FOXP2: variants seen among roughly 807,000 people sequenced by gnomAD.
The protein encoded by FOXP2 is forkhead box protein P2.
Under a neutral mutation model 115.8 loss-of-function variants are expected in FOXP2, and 12 were observed. That is an observed-to-expected ratio of 0.10 (90% CI 0.07 to 0.17). The LOEUF (loss-of-function observed/expected upper bound fraction) is 0.17, where lower values mean the gene tolerates loss of function less well. Among genes scored for constraint, FOXP2 ranks in the 10% least tolerant of loss-of-function variants. FOXP2 has a pLI of 1.00. For synonymous variants in FOXP2, 328 were observed against 297.7 expected (o/e 1.10, Z -1.05); for missense variants, 629 against 843.5 (o/e 0.75, Z 3.15).
At chr7:114,446,810 G>A (rs535880834) in intron 2 of FOXP2, among the ~76,000 whole-genome samples, 1 of 151,268 alleles carries the variant, frequency 6.6e-6, no homozygotes, top group East Asian at 2.0e-4. Flanking sequence ...ATGCAGTGGG[G>A]TGATCTCAGC....
chr7:114,135,692 A>T (rs1213644435), intron 1 of FOXP2, among the ~76,000 whole-genome samples: 1 of 152,164 alleles, frequency 6.6e-6, no homozygotes, highest in Non-Finnish European at 1.5e-5. Flanking sequence ...AGTGTTATGC[A>T]TTAGCTCAAA....
intron 3 of FOXP2, among the ~76,000 whole-genome samples, chr7:114,603,554 G>A (rs1004608075): frequency 2.6e-5 from 4 of 152,200 alleles, no homozygotes; most frequent in Admixed American, 2.0e-4. Context: ...AGCTGGAGGT[G>A]TTGCAAAGTT....
At chr7:114,539,443 G>A (rs935894881) in intron 3 of FOXP2, among the ~76,000 whole-genome samples, 4 of 151,732 alleles carry the variant, frequency 2.6e-5, no homozygotes, top group Non-Finnish European at 5.9e-5. Flanking sequence ...TTTAAATAGA[G>A]CGATCTATTA....
At chr7:114,571,691 T>G (rs757489358) in intron 3 of FOXP2, among the ~76,000 whole-genome samples, 10 of 151,890 alleles carry the variant, frequency 6.6e-5, no homozygotes, top group Non-Finnish European at 1.2e-4. Flanking sequence ...AACAACTGTT[T>G]ATACAGCATT....
intron 3 of FOXP2, among the ~76,000 whole-genome samples, chr7:114,627,730 A>G (rs565578600): frequency 2.6e-4 from 39 of 152,198 alleles, no homozygotes; most frequent in African/African-American, 9.4e-4. Context: ...AGTGGGAAAA[A>G]AGTTTTAAGT....
At chr7:114,443,274 G>T (rs1402840519) in intron 2 of FOXP2, among the ~76,000 whole-genome samples, 1 of 152,022 alleles carries the variant, frequency 6.6e-6, no homozygotes. Context: ...AATTAATTTT[G>T]TCTCACGTTA....
chr7:114,427,458 G>T (rs980621310), intron 2 of FOXP2, among the ~76,000 whole-genome samples: 2 of 150,804 alleles, frequency 1.3e-5, no homozygotes, highest in African/African-American at 4.9e-5. Flanking sequence ...ACTGACTCAA[G>T]TCTGTAGAAA....
chr7:114,541,351 C>A (rs2129281440), intron 3 of FOXP2, among the ~76,000 whole-genome samples: 1 of 152,014 alleles, frequency 6.6e-6, no homozygotes, highest in East Asian at 1.9e-4. Flanking sequence ...GAAGAAAAAG[C>A]AGAAGAGACA....
At chr7:114,106,011 T>C (rs1791102702) in intron 1 of FOXP2, among the ~76,000 whole-genome samples, 4 of 152,024 alleles carry the variant, frequency 2.6e-5, no homozygotes, top group Admixed American at 2.0e-4. Context: ...GCTTCTGTAG[T>C]TTTTTGCAGC....
At chr7:114,473,397 T>G (rs1344070578) in intron 2 of FOXP2, among the ~76,000 whole-genome samples, 1 of 152,154 alleles carries the variant, frequency 6.6e-6, no homozygotes, top group African/African-American at 2.4e-5. Context: ...CAGAGCAAAC[T>G]GTAGAGGCCA....
intron 2 of FOXP2, among the ~76,000 whole-genome samples, chr7:114,501,866 C>T (rs1037123216): frequency 1.3e-5 from 2 of 151,864 alleles, no homozygotes; most frequent in African/African-American, 4.8e-5. Flanking sequence ...TTTTATAATA[C>T]ACATTTATAT....
intron 2 of FOXP2, among the ~76,000 whole-genome samples, chr7:114,493,658 A>ACT (rs111542252): frequency 1.5e-4 from 22 of 147,722 alleles, no homozygotes; most frequent in Middle Eastern, 3.5e-3. Flanking sequence ...ACACACACAT[A>ACT]CTCTCTCTCT....
chr7:114,676,181 G>A (rs781131839), intron 16 of FOXP2, among the ~76,000 whole-genome samples: 4 of 149,028 alleles, frequency 2.7e-5, no homozygotes, highest in South Asian at 2.1e-4. Flanking sequence ...CACCCGCCTC[G>A]GCCTCCCAAA....
intron 2 of FOXP2, among the ~76,000 whole-genome samples, chr7:114,364,873 A>G (rs921501467): frequency 7.2e-5 from 11 of 152,140 alleles, no homozygotes; most frequent in African/African-American, 2.7e-4. Context: ...ATTTATTAGT[A>G]TGATTTGGGT....
rs57137258 is a variant in FOXP2, at chr7:114,646,060, T to TA, written c.1094+1293dup. 1.9e-3 allele frequency among the ~76,000 whole-genome samples: 162 copies of TA among 85,658 alleles called. 2 individuals carry two copies. The Middle Eastern group carries it at 0.021, about 11-fold the overall frequency. 56.2% of individuals were successfully genotyped at this position (85,658 alleles called of 152,430 possible). On this transcript the variant is annotated intron_variant, in intron 8 of 16. Transcript: ENST00000350908. ...GTAGCTTTGCTGAAGTTTTCTTCTCTAAAAAAAAAAAAAAAAAAAAAATTG... is the reference window on the plus strand; with the variant it reads ...GTAGCTTTGCTGAAGTTTTCTTCTCTAAAAAAAAAAAAAAAAAAAAAAATTG...
At chr7:114,359,971 G>A (rs1465965351) in intron 2 of FOXP2, among the ~76,000 whole-genome samples, 2 of 152,126 alleles carry the variant, frequency 1.3e-5, no homozygotes, top group African/African-American at 4.8e-5. Flanking sequence ...CATGAGATTT[G>A]GGAGGGGCTG....
intron 1 of FOXP2, among the ~76,000 whole-genome samples, chr7:114,247,491 C>G (rs903445285): frequency 6.6e-6 from 1 of 152,122 alleles, no homozygotes; most frequent in African/African-American, 2.4e-5. Flanking sequence ...TTATATCCCT[C>G]CCTTCTCTTT....
chr7:114,105,190 T>C (rs1791079248), intron 1 of FOXP2, among the ~76,000 whole-genome samples: 1 of 152,104 alleles, frequency 6.6e-6, no homozygotes, highest in Non-Finnish European at 1.5e-5. Context: ...GTACCAGTTT[T>C]TGTGTAATTT....
chr7:114,526,034 C>T (rs987952383), intron 2 of FOXP2, among the ~76,000 whole-genome samples: 1 of 151,764 alleles, frequency 6.6e-6, no homozygotes, highest in Non-Finnish European at 1.5e-5. Context: ...ATCGCTTGAA[C>T]CTGGGAGGCA....
Sources: gnomAD v4.1 joint callset for allele counts (sites outside exome capture counted in the v4.1 genomes callset) on GRCh38, gnomAD v4.1.1 for gene constraint, MANE v1.5 for transcripts, NCBI Gene and HGNC (gene_info 2026-07-23, HGNC 2026-07-21) for gene names.